FAF1: variants seen among roughly 807,000 people sequenced by gnomAD.
The protein encoded by FAF1 is FAS-associated factor 1.
A neutral mutation model predicts 92.5 loss-of-function variants in FAF1; 25 were observed. The ratio of observed to expected loss-of-function variants is 0.27; its 90% CI spans 0.20 to 0.38. FAF1 has a LOEUF of 0.38. Among genes scored for constraint, FAF1 ranks in the 10% least tolerant of loss-of-function variants. FAF1 has a pLI of 1.00. For missense variants in FAF1, 636 were observed against 793.3 expected, an observed-to-expected ratio of 0.80 and a Z score of 2.38; for synonymous variants, 234 against 273.2, an observed-to-expected ratio of 0.86 and a Z score of 1.42.
rs373343385 is a variant in FAF1 at position 50,661,062 on chromosome 1, A to G, written c.658-5534T>C. On this transcript the variant is annotated intron_variant, in intron 7 of 18. Transcript: ENST00000396153. Reference sequence around the variant, plus strand: ...AAATGGAGAAACAATAGAAAAAAATATAACAGACATCAAAAAGAAAAATGG... The same window carrying G: ...AAATGGAGAAACAATAGAAAAAAATGTAACAGACATCAAAAAGAAAAATGG... Among the ~76,000 whole-genome samples, 7 of 152,220 alleles carry G rather than the reference A, an allele frequency of 4.6e-5. No individual in the cohort carries two copies. In the East Asian group the frequency reaches 5.8e-4, roughly 13 times the overall value.
chr1:50,808,937 A>G (rs369951593), intron 2 of FAF1, among the ~76,000 whole-genome samples: 1 of 152,190 alleles, frequency 6.6e-6, no homozygotes, highest in African/African-American at 2.4e-5. Context: ...AAGAAGACCT[A>G]ACTATCCTAA....
At chr1:50,773,282 G>T (rs1338428881) in intron 4 of FAF1, among the ~76,000 whole-genome samples, 1 of 152,174 alleles carries the variant, frequency 6.6e-6, no homozygotes, top group African/African-American at 2.4e-5. Flanking sequence ...TTTACTTTAA[G>T]TATGACATTT....
At chr1:50,817,226 AAC>A in intron 2 of FAF1, among the ~76,000 whole-genome samples, 1 of 152,196 alleles carries the variant, frequency 6.6e-6, no homozygotes, top group Non-Finnish European at 1.5e-5. Flanking sequence ...CGATAGATAA[AAC>A]ATGGAAGCAA....
intron 8 of FAF1, among the ~76,000 whole-genome samples, chr1:50,600,706 A>G (rs1043830594): frequency 2.6e-5 from 4 of 152,160 alleles, no homozygotes; most frequent in African/African-American, 7.2e-5. Flanking sequence ...AATCAAAAAA[A>G]TTCATTACAA....
rs373108605 is a variant in FAF1 at position 50,535,254 on chromosome 1, T to C, written c.1494+115A>G. The C allele has an allele frequency of 4.5e-4, 311 of 685,450 alleles. 1 individual carries two copies. The African/African-American group carries it at 4.8e-3, about 11-fold the overall frequency. The allele number at this position is 685,450 out of a possible 1,614,324, so 42.5% of individuals were successfully genotyped here. On this transcript the variant is annotated intron_variant, in intron 15 of 18. Coordinates refer to ENST00000396153, the MANE Select transcript of FAF1 (RefSeq NM_007051.3). ...TAAAAACCCTTGGTAAATTTGGAAA[T>C]GCATCTTCATCATCCTTATTTATCG... is the stretch of plus-strand genomic sequence containing the variant.
chr1:50,925,096 C>T (rs1644994863), intron 1 of FAF1, among the ~76,000 whole-genome samples: 1 of 152,112 alleles, frequency 6.6e-6, no homozygotes, highest in South Asian at 2.1e-4. Flanking sequence ...AGCAAAAGTG[C>T]TAAGAATACA....
At chr1:50,886,398 C>CT (rs1363462567) in intron 1 of FAF1, among the ~76,000 whole-genome samples, 4 of 152,114 alleles carry the variant, frequency 2.6e-5, no homozygotes, top group African/African-American at 4.8e-5. Flanking sequence ...AATTACTATA[C>CT]TTTAAGTTCT....
chr1:50,540,120 G>A (rs57490213), intron 13 of FAF1, among the ~76,000 whole-genome samples: 9,978 of 151,826 alleles, frequency 0.066, 406 homozygotes, highest in East Asian at 0.092. Flanking sequence ...ACAAGCTCCC[G>A]CCACCACACC....
chr1:50,650,809 T>C (rs2124279574), intron 8 of FAF1, among the ~76,000 whole-genome samples: 1 of 152,326 alleles, frequency 6.6e-6, no homozygotes, highest in South Asian at 2.1e-4. Context: ...CTTGTTAAAG[T>C]GTAAAATGAG....
chr1:50,787,941 A>T, intron 4 of FAF1, 59 bp downstream of exon 4: 2 of 1,451,686 alleles, frequency 1.4e-6, no homozygotes, highest in Non-Finnish European at 1.9e-6. Context: ...AAAAAAATAT[A>T]ACCTGAATGT....
chr1:50,881,454 G>T (rs1358539771), intron 1 of FAF1, among the ~76,000 whole-genome samples: 1 of 152,080 alleles, frequency 6.6e-6, no homozygotes, highest in East Asian at 1.9e-4. Context: ...GAGTTTCATG[G>T]TAACTGATTA....
intron 9 of FAF1, among the ~76,000 whole-genome samples, chr1:50,586,507 CAACTTT>C (rs1426207477): frequency 6.6e-6 from 1 of 152,156 alleles, no homozygotes; most frequent in Non-Finnish European, 1.5e-5. Flanking sequence ...TTTTCCCTCT[CAACTTT>C]AAGACAATCT....
chr1:50,617,514 A>C (rs1279931107), intron 8 of FAF1, among the ~76,000 whole-genome samples: 2 of 152,052 alleles, frequency 1.3e-5, no homozygotes, highest in Non-Finnish European at 2.9e-5. Flanking sequence ...AACTGTGGCG[A>C]ATTAAGTTTT....
At chr1:50,510,319 C>T (rs1647118111) in intron 15 of FAF1, among the ~76,000 whole-genome samples, 1 of 151,974 alleles carries the variant, frequency 6.6e-6, no homozygotes, top group Non-Finnish European at 1.5e-5. Context: ...TAATCTTCAT[C>T]CTTTCAATAA....
At chr1:50,806,534 C>G (rs1487887340) in intron 2 of FAF1, among the ~76,000 whole-genome samples, 1 of 152,178 alleles carries the variant, frequency 6.6e-6, no homozygotes, top group Non-Finnish European at 1.5e-5. Flanking sequence ...TGTATGTGCA[C>G]CCTGCCACAC....
intron 8 of FAF1, among the ~76,000 whole-genome samples, chr1:50,604,472 T>C (rs1267297775): frequency 1.3e-5 from 2 of 152,196 alleles, no homozygotes; most frequent in African/African-American, 2.4e-5. Flanking sequence ...AGCACAAGCA[T>C]GTTCTCTTCT....
chr1:50,672,342 A>T (rs112488983), intron 7 of FAF1, among the ~76,000 whole-genome samples: 2,479 of 151,486 alleles, frequency 0.016, 74 homozygotes, highest in African/African-American at 0.056. Flanking sequence ...CGCCCCAGCC[A>T]GTTTTGTTTT....
At chr1:50,864,803 C>T (rs1644466420) in intron 1 of FAF1, among the ~76,000 whole-genome samples, 1 of 152,092 alleles carries the variant, frequency 6.6e-6, no homozygotes. Context: ...GTGTAAAACA[C>T]CAAAAGCAAT....
At chr1:50,857,844 C>T (rs1570060429) in intron 2 of FAF1, 85 bp downstream of exon 2, 2 of 783,846 alleles carry the variant, frequency 2.6e-6, no homozygotes, top group East Asian at 5.3e-5. Context: ...CTATGGTATG[C>T]TGAACCCATC....
Sources: allele counts gnomAD v4.1 joint callset (sites outside exome capture counted in the v4.1 genomes callset), GRCh38; gene constraint gnomAD v4.1.1; transcripts MANE v1.5; gene names NCBI Gene and HGNC (gene_info 2026-07-23, HGNC 2026-07-21).